Variants in XPC observed in about 807,000 individuals in gnomAD.
XPC encodes the protein XPC complex subunit, DNA damage recognition and repair factor, also known as DNA repair protein complementing XP-C cells.
XPC carries 76 observed loss-of-function variants against 95.8 expected under a neutral mutation model. That is an observed-to-expected ratio of 0.79 (90% CI 0.66 to 0.96). The LOEUF is 0.96. Ranked by LOEUF, XPC falls within the 40% of genes least tolerant of loss-of-function variation. XPC has a pLI of 0.00. For synonymous variants in XPC, 442 were observed against 442.1 expected (o/e 1.00, Z 0.00); for missense variants, 1,146 against 1,179.8 (o/e 0.97, Z 0.42).
intron 5 of XPC, among the ~76,000 whole-genome samples, chr3:14,166,300 C>T (rs1330192918): frequency 6.6e-6 from 1 of 152,146 alleles, no homozygotes; most frequent in African/African-American, 2.4e-5. Context: ...CTTTCTTTCA[C>T]CTCCAGCACC....
intron 6 of XPC, 53 bp downstream of exon 6, chr3:14,165,375 A>G: frequency 6.6e-7 from 1 of 1,518,468 alleles, no homozygotes; most frequent in East Asian, 2.4e-5. Flanking sequence ...AGCCTCTGAG[A>G]GAAACACAAA....
chr3:14,170,851 C>T (rs1696582932), intron 2 of XPC, among the ~76,000 whole-genome samples: 1 of 152,052 alleles, frequency 6.6e-6, no homozygotes, highest in African/African-American at 2.4e-5. Flanking sequence ...TAGAAGACAC[C>T]AAAATAATAA....
chr3:14,171,758 G>A (rs1025242201), intron 2 of XPC, among the ~76,000 whole-genome samples: 3 of 152,144 alleles, frequency 2.0e-5, no homozygotes, highest in Non-Finnish European at 2.9e-5. Context: ...GGGAGGCGGA[G>A]GTTGCAGTGA....
intron 11 of XPC, among the ~76,000 whole-genome samples, chr3:14,150,428 G>A (rs1695641989): frequency 6.6e-6 from 1 of 152,204 alleles, no homozygotes; most frequent in Non-Finnish European, 1.5e-5. Context: ...GAGCTCTCAT[G>A]TCCATTCCTG....
chr3:14,152,561 A>G (rs1319027926), intron 10 of XPC, 145 bp from the exon 11 acceptor site: 1 of 686,526 alleles, frequency 1.5e-6, no homozygotes, highest in African/African-American at 1.9e-5. Context: ...GGCCCAGAGA[A>G]GCTGTGCTAG....
intron 4 of XPC, 98 bp downstream of exon 4, chr3:14,168,159 C>T: frequency 7.0e-7 from 1 of 1,437,630 alleles, no homozygotes; most frequent in East Asian, 2.5e-5. Flanking sequence ...CTTTGATACT[C>T]AGTCCTGGTC....
At position 14,165,415 on chromosome 3, in the gene XPC, C is replaced by T. The variant is rs1302197598; in HGVS notation, c.779+13G>A. Reference sequence around the variant, plus strand: ...ACACTCCCCAGCTCTGCAGGACAAGCGGAGGGCCTTACCACTTCACCAGGT... The same window carrying T: ...ACACTCCCCAGCTCTGCAGGACAAGTGGAGGGCCTTACCACTTCACCAGGT... On this transcript the variant is annotated intron_variant, in intron 6 of 15. Transcript: ENST00000285021. 5 of 1,577,162 alleles carry T rather than the reference C, an allele frequency of 3.2e-6. No homozygotes were observed. Among genetic ancestry groups the T allele is most frequent in the East Asian group, 4.6e-5 (2 of 43,286 alleles).
chr3:14,176,776 TC>T (rs1696835011), intron 1 of XPC, among the ~76,000 whole-genome samples: 1 of 152,214 alleles, frequency 6.6e-6, no homozygotes, highest in South Asian at 2.1e-4. Context: ...ACCCAGAAAT[TC>T]CTTCTACAGC....
rs763740883 is a variant in XPC, at chr3:14,158,093, C to T, written c.1790G>A (p.Arg597Gln). ...CTCGGCCCACCACTCAGCATCAACC[C>T]GGCACTTGCGGGTCACTGTCATCCA... The part of the protein sequence containing the change: ...PVWMTVTRKC[R>Q]VDAEWWAETL... The change falls in exon 9 of 16, where the codon CGG becomes CAG. Residue 597 changes from arginine (R) to glutamine (Q), a missense_variant. Physicochemically the swap from Arg to Gln is conservative, Grantham distance 43 (BLOSUM62 1). Coordinates refer to ENST00000285021, the MANE Select transcript of XPC (RefSeq NM_004628.5). The surrounding 1 kb of genome is among the most constrained non-coding windows in gnomAD (Gnocchi z 5.2). 33 of 1,613,834 alleles carry T rather than the reference C, an allele frequency of 2.0e-5. No homozygotes were observed. Among genetic ancestry groups the T allele is most frequent in the South Asian group, 1.6e-4 (15 of 91,072 alleles).
intron 3 of XPC, among the ~76,000 whole-genome samples, chr3:14,169,821 A>G (rs1238624020): frequency 1.3e-5 from 2 of 152,248 alleles, no homozygotes; most frequent in Non-Finnish European, 2.9e-5. Context: ...AAGGACATAT[A>G]TTACATTTTT....
In XPC at chr3:14,145,835, C is replaced by A; in HGVS notation, c.*106G>T. Reference sequence around the variant, plus strand: ...TGCATGCTGCCTCAGTTTGCCTTCTCAGCAGAGAAGCCCCCACCACCAGGG... The same window carrying A: ...TGCATGCTGCCTCAGTTTGCCTTCTAAGCAGAGAAGCCCCCACCACCAGGG... On this transcript the variant is annotated 3_prime_UTR_variant, in exon 16 of 16. Coordinates refer to ENST00000285021, the MANE Select transcript of XPC (RefSeq NM_004628.5). The A allele has an allele frequency of 7.1e-7, 1 of 1,416,432 alleles. No homozygotes were observed. Among genetic ancestry groups the A allele is most frequent in the Non-Finnish European group, 9.8e-7 (1 of 1,025,078 alleles). 87.7% of individuals were successfully genotyped at this position (1,416,432 alleles called of 1,614,324 possible).
chr3:14,148,508 G>A lies in XPC; in HGVS notation c.2420+54C>T, dbSNP rs1032634922. On this transcript the variant is annotated intron_variant, in intron 13 of 15. Coordinates refer to ENST00000285021, the MANE Select transcript of XPC (RefSeq NM_004628.5). ...TGCCAGCTTTCCATCCCCATCTCTG[G>A]AGCCACCCCTCCCCATCCCTGTGTT... The A allele has an allele frequency of 1.8e-5, 28 of 1,594,154 alleles. No individual in the cohort carries two copies. In the East Asian group the frequency reaches 6.3e-4, roughly 36 times the overall value.
intron 4 of XPC, among the ~76,000 whole-genome samples, chr3:14,167,923 T>C (rs555206678): frequency 6.6e-6 from 1 of 152,294 alleles, no homozygotes; most frequent in African/African-American, 2.4e-5. Flanking sequence ...AGCTCTTCCA[T>C]TACTGGCTGA....
intron 7 of XPC, among the ~76,000 whole-genome samples, chr3:14,164,018 C>T (rs1696269480): frequency 6.6e-6 from 1 of 152,214 alleles, no homozygotes; most frequent in South Asian, 2.1e-4. Flanking sequence ...CACTGCACTC[C>T]AGCCTAGGCG....
chr3:14,161,681 A>T (rs2125030918), intron 7 of XPC, among the ~76,000 whole-genome samples: 1 of 150,728 alleles, frequency 6.6e-6, no homozygotes, highest in East Asian at 1.9e-4. Flanking sequence ...GAACTGAGTC[A>T]ACGTGATAAC....
At chr3:14,170,693 T>G (rs1431402202) in intron 2 of XPC, 143 bp from the exon 3 acceptor site, 2 of 576,932 alleles carry the variant, frequency 3.5e-6, no homozygotes, top group Non-Finnish European at 6.0e-6. Context: ...GCTCTGAGCC[T>G]CACTTCCTCC....
In XPC at chr3:14,157,996, C is replaced by G; in HGVS notation, c.1872+15G>C. 6.3e-7 allele frequency: 1 copy of G among 1,580,846 alleles called. No homozygotes were observed. Among genetic ancestry groups the G allele is most frequent in the East Asian group, 2.3e-5 (1 of 44,304 alleles). ...CCTGACTGTGTCTTGGAGCCCCTGG[C>G]AGCCAAGGCCTTACCTCCAAGTCTT... On this transcript the variant is annotated intron_variant, in intron 9 of 15. Transcript: ENST00000285021.
chr3:14,145,825 T>TCA lies in XPC; in HGVS notation c.*115_*116insTG. On this transcript the variant is annotated 3_prime_UTR_variant, in exon 16 of 16. Transcript: ENST00000285021. ...CCCGCCTCCGTGCATGCTGCCTCAG[T>TCA]TTGCCTTCTCAGCAGAGAAGCCCCC... 1 of 1,311,504 alleles carries TCA rather than the reference T, an allele frequency of 7.6e-7. No homozygotes were observed. The highest frequency in any genetic ancestry group is 1.1e-6 in the Non-Finnish European group (1 of 931,732). The allele number at this position is 1,311,504 out of a possible 1,614,324, so 81.2% of individuals were successfully genotyped here.
At position 14,145,449 on chromosome 3, in the gene XPC, A is replaced by T. The variant is rs896034761; in HGVS notation, c.*492T>A. 2.9e-6 allele frequency: 2 copies of T among 694,808 alleles called. No individual in the cohort carries two copies. The highest frequency in any genetic ancestry group is 5.4e-5 in the East Asian group (2 of 37,144). 43.0% of individuals were successfully genotyped at this position (694,808 alleles called of 1,614,324 possible). On this transcript the variant is annotated 3_prime_UTR_variant, in exon 16 of 16. Coordinates refer to ENST00000285021, the MANE Select transcript of XPC (RefSeq NM_004628.5). ...AGGGCAGCATTAGTAAGCCTGACTC[A>T]GGGGAAGGTAAGTGGCCTGCAGAGA...
Sources: gnomAD v4.1 joint callset for allele counts (sites outside exome capture counted in the v4.1 genomes callset) on GRCh38, gnomAD v4.1.1 for gene constraint, Gnocchi (gnomAD v3.1) non-coding constraint, MANE v1.5 for transcripts, NCBI Gene and HGNC (gene_info 2026-07-23, HGNC 2026-07-21) for gene names.